The following STPG2 variants were observed in gnomAD, a reference collection of about 807,000 sequenced individuals.
STPG2 encodes sperm tail PG-rich repeat containing 2, also known as sperm-tail PG-rich repeat-containing protein 2.
A neutral mutation model predicts 54.2 loss-of-function variants in STPG2; 56 were observed. That is an observed-to-expected ratio of 1.03 (90% CI 0.83 to 1.29). The LOEUF is 1.29. Among genes scored for constraint, STPG2 ranks in the 50% most tolerant of loss-of-function variants. The pLI is 0.00. For synonymous variants in STPG2, 200 were observed against 181.8 expected, an observed-to-expected ratio of 1.10 and a Z score of -0.81; for missense variants, 596 against 544.9, an observed-to-expected ratio of 1.09 and a Z score of -0.93.
Position 98,143,088 on chromosome 4 carries a change from C to T in STPG2, c.63G>A (p.Val21=), listed in dbSNP as rs1740346023. Residue 21 remains valine (V), a synonymous_variant, in exon 1 of 11, where the codon GTG becomes GTA. Coordinates refer to ENST00000295268, the MANE Select transcript of STPG2 (RefSeq NM_174952.3). ...AAGGTACCTGGTAGGATCCAGGACC[C>T]ACATGGGCCTCAGTGCTGCCACCTT... ...LAEGGSTEAH[V]GPGSYQVPFL... is the part of the protein sequence containing the mutation. 3.1e-6 allele frequency: 5 copies of T among 1,613,934 alleles called. No homozygotes were observed. Among genetic ancestry groups the T allele is most frequent in the Non-Finnish European group, 3.4e-6 (4 of 1,179,916 alleles).
intron 9 of STPG2, among the ~76,000 whole-genome samples, chr4:97,822,085 G>C (rs1444612853): frequency 6.6e-6 from 1 of 152,140 alleles, no homozygotes; most frequent in Non-Finnish European, 1.5e-5. Flanking sequence ...TTTATGCTCA[G>C]CTTCCCCTTT....
At chr4:97,476,214 T>A (rs1442805712) in intron 4 of STPG2, among the ~76,000 whole-genome samples, 1 of 152,310 alleles carries the variant, frequency 6.6e-6, no homozygotes, top group Admixed American at 6.5e-5. Context: ...TTATTTGGTA[T>A]CCTAAAACAA....
chr4:97,882,441 G>T (rs539053814), intron 8 of STPG2, among the ~76,000 whole-genome samples: 1 of 152,258 alleles, frequency 6.6e-6, no homozygotes. Flanking sequence ...CCTGGAGAAA[G>T]AAAACTTTCC....
intron 9 of STPG2, among the ~76,000 whole-genome samples, chr4:97,728,106 A>G (rs879436313): frequency 6.6e-6 from 1 of 152,028 alleles, no homozygotes; most frequent in Admixed American, 6.6e-5. Flanking sequence ...AGATGGCCAT[A>G]AAGTATGAAC....
intron 4 of STPG2, among the ~76,000 whole-genome samples, chr4:97,518,475 A>G (rs139598893): frequency 5.6e-4 from 85 of 152,224 alleles, no homozygotes; most frequent in African/African-American, 1.9e-3. Context: ...CTAAAACCCT[A>G]TGACTTACTG....
chr4:97,717,495 C>A (rs994463856), intron 9 of STPG2, among the ~76,000 whole-genome samples: 1 of 152,152 alleles, frequency 6.6e-6, no homozygotes, highest in Non-Finnish European at 1.5e-5. Flanking sequence ...AGGGCTGTCA[C>A]TGTTATGACA....
intron 3 of STPG2, among the ~76,000 whole-genome samples, chr4:98,121,836 C>T (rs1739689814): frequency 6.6e-6 from 1 of 152,116 alleles, no homozygotes; most frequent in African/African-American, 2.4e-5. Flanking sequence ...ATTCTGCTGC[C>T]TCAGCCTCCC....
intron 9 of STPG2, among the ~76,000 whole-genome samples, chr4:97,713,760 T>C (rs766435963): frequency 6.6e-5 from 10 of 152,186 alleles, no homozygotes; most frequent in Non-Finnish European, 1.0e-4. Context: ...TATAGGTCCT[T>C]GGCCCAGGGT....
intron 10 of STPG2, among the ~76,000 whole-genome samples, chr4:97,665,905 C>T (rs1578464765): frequency 6.6e-6 from 1 of 152,176 alleles, no homozygotes; most frequent in African/African-American, 2.4e-5. Flanking sequence ...TCAGCCTCAA[C>T]TTTGCTCCAA....
At chr4:97,519,657 G>A (rs1196716916) in intron 4 of STPG2, among the ~76,000 whole-genome samples, 2 of 151,984 alleles carry the variant, frequency 1.3e-5, no homozygotes, top group Non-Finnish European at 2.9e-5. Context: ...GGTCAAGAAT[G>A]TACTAACTCA....
intron 8 of STPG2, among the ~76,000 whole-genome samples, chr4:97,886,634 T>A (rs1418948584): frequency 6.6e-6 from 1 of 152,228 alleles, no homozygotes; most frequent in African/African-American, 2.4e-5. Flanking sequence ...TGCCTTCTTT[T>A]TTCTACTCTT....
chr4:97,956,659 C>G (rs1188331428), intron 7 of STPG2, among the ~76,000 whole-genome samples: 2 of 152,132 alleles, frequency 1.3e-5, no homozygotes, highest in Non-Finnish European at 2.9e-5. Context: ...GCAGACAACC[C>G]CCAGTAGCAG....
At chr4:98,078,968 T>C (rs957345010) in intron 5 of STPG2, among the ~76,000 whole-genome samples, 2 of 152,168 alleles carry the variant, frequency 1.3e-5, no homozygotes, top group Admixed American at 1.3e-4. Flanking sequence ...ATAATAACCA[T>C]ATTATTGCAT....
chr4:97,880,176 T>C (rs529863089), intron 8 of STPG2, among the ~76,000 whole-genome samples: 17 of 152,198 alleles, frequency 1.1e-4, no homozygotes, highest in Non-Finnish European at 2.4e-4. Flanking sequence ...GAAGATATTA[T>C]GCTAAGTGAG....
chr4:97,550,642 G>A (rs1033299254), intron 4 of STPG2, among the ~76,000 whole-genome samples: 5 of 152,028 alleles, frequency 3.3e-5, no homozygotes, highest in Admixed American at 6.6e-5. Flanking sequence ...TCTTGGTCTC[G>A]CTAACTTCAA....
chr4:97,729,018 G>GA (rs1265902208), intron 9 of STPG2, among the ~76,000 whole-genome samples: 1 of 141,362 alleles, frequency 7.1e-6, no homozygotes, highest in Non-Finnish European at 1.5e-5. Context: ...AAAGACAGAG[G>GA]AAAAAAATGG....
At chr4:98,101,208 G>A (rs751824680) in intron 5 of STPG2, among the ~76,000 whole-genome samples, 13 of 152,028 alleles carry the variant, frequency 8.6e-5, no homozygotes, top group Non-Finnish European at 1.9e-4. Context: ...GCTGCATTTA[G>A]GCAGCTAAGA....
chr4:97,916,319 G>A (rs146307293), intron 8 of STPG2: 41 of 152,668 alleles, frequency 2.7e-4, no homozygotes, highest in Middle Eastern at 3.4e-3. Context: ...TTTTGATCTG[G>A]ACATGTTAAC....
chr4:97,893,610 T>C (rs1730850483), intron 8 of STPG2, among the ~76,000 whole-genome samples: 2 of 152,022 alleles, frequency 1.3e-5, no homozygotes, highest in Admixed American at 6.6e-5. Context: ...TTCAAGAAAT[T>C]TCTCAGAGTA....
Sources: gnomAD v4.1 joint callset for allele counts (sites outside exome capture counted in the v4.1 genomes callset) on GRCh38, gnomAD v4.1.1 for gene constraint, MANE v1.5 for transcripts, NCBI Gene and HGNC (gene_info 2026-07-23, HGNC 2026-07-21) for gene names.